The following IQCM variants were observed in gnomAD, a reference collection of about 807,000 sequenced individuals.
IQCM encodes the protein IQ motif containing M, also known as IQ domain-containing protein M.
In IQCM, 45 loss-of-function variants were observed where a neutral mutation model predicts 57.6. The observed-to-expected ratio is 0.78, with a 90% CI of 0.62 to 1.00. The LOEUF is 1.00. Among genes scored for constraint, IQCM ranks in the 50% least tolerant of loss-of-function variants. The pLI is 0.00. For synonymous variants in IQCM, 148 were observed against 158.9 expected (o/e 0.93, Z 0.51); for missense variants, 468 against 511.6 (o/e 0.91, Z 0.82).
At chr4:149,543,774 T>G (rs1369839544) in intron 12 of IQCM, among the ~76,000 whole-genome samples, 1 of 152,184 alleles carries the variant, frequency 6.6e-6, no homozygotes, top group Non-Finnish European at 1.5e-5. Flanking sequence ...CAATTGCTAT[T>G]TCTTCAAAAT....
chr4:149,718,369 A>C (rs1003238176), intron 5 of IQCM, among the ~76,000 whole-genome samples: 1 of 152,224 alleles, frequency 6.6e-6, no homozygotes, highest in Non-Finnish European at 1.5e-5. Flanking sequence ...CTAAACTGAA[A>C]GTTCCATGAG....
chr4:149,632,888 G>T (rs891366969), intron 7 of IQCM, among the ~76,000 whole-genome samples: 1 of 152,144 alleles, frequency 6.6e-6, no homozygotes, highest in East Asian at 1.9e-4. Context: ...TCGGCCGGGC[G>T]CGGTGGCTCA....
chr4:149,670,909 G>A (rs183834889), intron 7 of IQCM, among the ~76,000 whole-genome samples: 6 of 150,476 alleles, frequency 4.0e-5, no homozygotes, highest in Admixed American at 3.3e-4. Flanking sequence ...TTACATCAAT[G>A]TTCATCAGGG....
At chr4:149,362,613 C>A (rs180747812) in intron 13 of IQCM, among the ~76,000 whole-genome samples, 3 of 152,258 alleles carry the variant, frequency 2.0e-5, no homozygotes, top group Non-Finnish European at 4.4e-5. Context: ...CACCTCCCAC[C>A]GTGATTCTGA....
At chr4:149,658,811 T>C (rs1264386219) in intron 7 of IQCM, among the ~76,000 whole-genome samples, 3 of 152,122 alleles carry the variant, frequency 2.0e-5, no homozygotes, top group African/African-American at 7.2e-5. Context: ...CTACTGATTT[T>C]TGTATGTTGA....
chr4:149,507,541 C>T (rs1329419106), intron 12 of IQCM, among the ~76,000 whole-genome samples: 1 of 152,038 alleles, frequency 6.6e-6, no homozygotes, highest in African/African-American at 2.4e-5. Flanking sequence ...GGCATTTTGC[C>T]CCTGCCCTAG....
intron 12 of IQCM, among the ~76,000 whole-genome samples, chr4:149,461,103 A>G (rs572697093): frequency 5.7e-4 from 87 of 152,056 alleles, no homozygotes; most frequent in Admixed American, 1.2e-3. Context: ...GTGTGGTGGC[A>G]CACGCCTGTA....
chr4:149,489,067 T>G (rs1741820802), intron 12 of IQCM, among the ~76,000 whole-genome samples: 1 of 152,080 alleles, frequency 6.6e-6, no homozygotes, highest in African/African-American at 2.4e-5. Context: ...GGAACGGAGA[T>G]CTAATTGGAT....
chr4:149,631,575 T>C (rs1269185804), intron 7 of IQCM, among the ~76,000 whole-genome samples: 4 of 152,194 alleles, frequency 2.6e-5, no homozygotes, highest in African/African-American at 9.6e-5. Context: ...AAAAATCTCA[T>C]ATACCTTGTG....
chr4:149,673,243 T>G (rs1554019547), intron 7 of IQCM, among the ~76,000 whole-genome samples: 8 of 152,058 alleles, frequency 5.3e-5, no homozygotes, highest in Non-Finnish European at 1.5e-5. Flanking sequence ...CCAGCTAACA[T>G]TATGACAGGA....
chr4:149,566,952 G>A (rs375672693), intron 9 of IQCM, among the ~76,000 whole-genome samples: 84 of 152,248 alleles, frequency 5.5e-4, no homozygotes, highest in African/African-American at 1.9e-3. Flanking sequence ...AAATGCTTGT[G>A]AATCCTTAAC....
intron 2 of IQCM, among the ~76,000 whole-genome samples, chr4:149,772,978 T>C (rs1023918134): frequency 3.3e-5 from 5 of 152,184 alleles, no homozygotes; most frequent in Non-Finnish European, 7.3e-5. Context: ...GGAATGCTTA[T>C]CTGAGGGAAA....
At chr4:149,571,593 A>G (rs1015396611) in intron 9 of IQCM, among the ~76,000 whole-genome samples, 13 of 152,232 alleles carry the variant, frequency 8.5e-5, no homozygotes, top group Middle Eastern at 6.8e-3. Context: ...TATAGTTAAC[A>G]ATATATTGTA....
At chr4:149,491,287 G>A (rs571653744) in intron 12 of IQCM, among the ~76,000 whole-genome samples, 2 of 152,006 alleles carry the variant, frequency 1.3e-5, no homozygotes, top group Non-Finnish European at 2.9e-5. Context: ...TTATTTCTGT[G>A]GTGAGAACAC....
intron 12 of IQCM, among the ~76,000 whole-genome samples, chr4:149,469,880 A>T (rs960017409): frequency 6.6e-6 from 1 of 152,214 alleles, no homozygotes; most frequent in Non-Finnish European, 1.5e-5. Flanking sequence ...ACTAAGCTTC[A>T]TAAGTGAAGG....
intron 13 of IQCM, among the ~76,000 whole-genome samples, chr4:149,432,661 C>T (rs1013378073): frequency 2.0e-5 from 3 of 151,852 alleles, no homozygotes; most frequent in African/African-American, 7.2e-5. Context: ...AAAACTTCTG[C>T]TCTTCAAAAG....
chr4:149,484,240 G>A (rs1198005258), intron 12 of IQCM, among the ~76,000 whole-genome samples: 1 of 151,796 alleles, frequency 6.6e-6, no homozygotes, highest in Non-Finnish European at 1.5e-5. Flanking sequence ...ATTGAGTCTT[G>A]TTTTTTCATC....
chr4:149,812,501 C>G (rs200285756), intron 2 of IQCM, among the ~76,000 whole-genome samples: 3 of 138,030 alleles, frequency 2.2e-5, no homozygotes, highest in African/African-American at 3.1e-5. Flanking sequence ...CACACACACA[C>G]AGACACACAC....
chr4:149,778,887 C>T lies in IQCM; in HGVS notation c.-48-36148G>A, dbSNP rs149290317. On this transcript the variant is annotated intron_variant, in intron 2 of 13. Transcript: ENST00000636793. ...CGAAAAAGAAATTGCCAGACCTAGA[C>T]GGTTTCACTGTAAATACTACCACAT... is the stretch of plus-strand genomic sequence containing the variant. Among the ~76,000 whole-genome samples, 311 of 152,158 alleles carry T rather than the reference C, an allele frequency of 2.0e-3. 2 individuals carry two copies. The highest frequency in any genetic ancestry group is 7.1e-3 in the African/African-American group (295 of 41,540).
Sources: allele counts gnomAD v4.1 joint callset (sites outside exome capture counted in the v4.1 genomes callset), GRCh38; gene constraint gnomAD v4.1.1; transcripts MANE v1.5; gene names NCBI Gene and HGNC (gene_info 2026-07-23, HGNC 2026-07-21).